SHANK2: variants seen among roughly 807,000 people sequenced by gnomAD.
SHANK2 encodes SH3 and multiple ankyrin repeat domains 2.
A neutral mutation model predicts 133.7 loss-of-function variants in SHANK2; 43 were observed. The ratio of observed to expected loss-of-function variants is 0.32; its 90% CI spans 0.25 to 0.41. The LOEUF is 0.41. Among genes scored for constraint, SHANK2 ranks in the 10% least tolerant of loss-of-function variants. The pLI, the probability that SHANK2 is intolerant of heterozygous loss-of-function variation, is 1.00. For synonymous variants in SHANK2, 1,017 were observed against 952.8 expected (o/e 1.07, Z -1.24); for missense variants, 1,994 against 2,235.8 (o/e 0.89, Z 2.18).
At chr11:71,096,927 T>C (rs1951625128) in intron 6 of SHANK2, among the ~76,000 whole-genome samples, 1 of 152,130 alleles carries the variant, frequency 6.6e-6, no homozygotes, top group Admixed American at 6.5e-5. Flanking sequence ...GACTTTTGAC[T>C]CAGAATTACA....
Position 70,592,473 on chromosome 11 carries a change from A to G in SHANK2, c.2061+67355T>C, listed in dbSNP as rs559888483. Among the ~76,000 whole-genome samples the G allele has an allele frequency of 3.4e-5, 5 of 148,958 alleles. No individual in the cohort carries two copies. In the South Asian group the frequency reaches 1.0e-3, roughly 31 times the overall value. On this transcript the variant is annotated intron_variant, in intron 17 of 25. Transcript: ENST00000601538. ...CAGCCAACACAGACTCAAGCAGCAC[A>G]CACCCAGCTCTGCATCCCAGCACAC...
At chr11:71,107,220 C>T (rs960503443) in intron 6 of SHANK2, among the ~76,000 whole-genome samples, 21 of 152,162 alleles carry the variant, frequency 1.4e-4, no homozygotes, top group African/African-American at 2.2e-4. Flanking sequence ...CCCTGGGTGA[C>T]GCAGGGAAGT....
chr11:71,070,000 G>A (rs1951122424), intron 9 of SHANK2, among the ~76,000 whole-genome samples: 2 of 152,162 alleles, frequency 1.3e-5, no homozygotes, highest in African/African-American at 4.8e-5. Flanking sequence ...GTAGACAAGG[G>A]GGAGTGAGTA....
chr11:70,860,223 C>T (rs546795876), intron 11 of SHANK2, among the ~76,000 whole-genome samples: 3 of 152,304 alleles, frequency 2.0e-5, no homozygotes, highest in East Asian at 3.9e-4. Context: ...ACCTTCTCTA[C>T]CCGCCCCAAA....
chr11:71,216,511 GT>G (rs1332514093), intron 2 of SHANK2, among the ~76,000 whole-genome samples: 1 of 152,104 alleles, frequency 6.6e-6, no homozygotes, highest in East Asian at 1.9e-4. Flanking sequence ...AATGGTACAG[GT>G]TTTGGGGGGG....
At chr11:71,145,295 G>T (rs1204633288) in intron 3 of SHANK2, among the ~76,000 whole-genome samples, 1 of 152,034 alleles carries the variant, frequency 6.6e-6, no homozygotes, top group Non-Finnish European at 1.5e-5. Flanking sequence ...GAGAGATAAT[G>T]AGCTAAAAAG....
chr11:71,248,692 C>T (rs1174552027), intron 1 of SHANK2, among the ~76,000 whole-genome samples: 1 of 152,210 alleles, frequency 6.6e-6, no homozygotes, highest in Non-Finnish European at 1.5e-5. Flanking sequence ...TAGCGGGTGG[C>T]TCTGTCCCCA....
In SHANK2 at chr11:71,118,852, C is replaced by T; in HGVS notation, c.388G>A (p.Gly130Ser). 2 of 1,551,096 alleles carry T rather than the reference C, an allele frequency of 1.3e-6. No homozygotes were observed. Among genetic ancestry groups the T allele is most frequent in the Non-Finnish European group, 1.7e-6 (2 of 1,146,600 alleles). ...ACCTCCAGGGAAGGAACGCCCTCACCCACGGGCTGTGGGTACTCGCGCAGG... is the reference window on the plus strand; with the variant it reads ...ACCTCCAGGGAAGGAACGCCCTCACTCACGGGCTGTGGGTACTCGCGCAGG... ...RLLREYPQPVGEGVPSLEFRY... is the reference protein window; with the variant it reads ...RLLREYPQPVSEGVPSLEFRY... Residue 130 changes from glycine to serine, a missense_variant, in exon 4 of 26, where the codon GGT (glycine) becomes AGT (serine). This residue lies in a region of SHANK2 where 653 missense variants were observed against 563.4 expected (regional missense o/e 1.16). Transcript: ENST00000601538.
intron 11 of SHANK2, among the ~76,000 whole-genome samples, chr11:70,890,375 T>A (rs1555074384): frequency 6.6e-6 from 1 of 151,406 alleles, no homozygotes; most frequent in African/African-American, 2.4e-5. Flanking sequence ...GCCCAGTAGC[T>A]CATGCCTGTA....
chr11:70,877,405 C>G (rs1949585831), intron 11 of SHANK2, among the ~76,000 whole-genome samples: 1 of 152,134 alleles, frequency 6.6e-6, no homozygotes, highest in African/African-American at 2.4e-5. Flanking sequence ...GCCTGACTTT[C>G]TGCTGTTCTA....
At chr11:70,931,839 C>G (rs945651470) in intron 10 of SHANK2, among the ~76,000 whole-genome samples, 8 of 152,172 alleles carry the variant, frequency 5.3e-5, no homozygotes, top group African/African-American at 1.9e-4. Context: ...CTCTCAACGA[C>G]GCTTATTATT....
At chr11:70,506,552 T>A (rs980452317) in intron 17 of SHANK2, among the ~76,000 whole-genome samples, 69 of 152,334 alleles carry the variant, frequency 4.5e-4, no homozygotes, top group African/African-American at 1.5e-3. Context: ...AATCAGTTGT[T>A]GGGCATCTGA....
intron 10 of SHANK2, chr11:70,907,893 A>C (rs782162831): frequency 3.5e-4 from 161 of 454,090 alleles, no homozygotes; most frequent in Non-Finnish European, 1.0e-4. Flanking sequence ...CTTAAGGTCA[A>C]GAGTTCGAGA....
intron 9 of SHANK2, among the ~76,000 whole-genome samples, chr11:71,064,257 G>T (rs1259977168): frequency 2.6e-5 from 4 of 152,364 alleles, no homozygotes; most frequent in African/African-American, 9.6e-5. Context: ...CACAACGTCA[G>T]GACGGGTGGG....
chr11:71,236,943 C>T (rs891420484), intron 1 of SHANK2, among the ~76,000 whole-genome samples: 15 of 152,156 alleles, frequency 9.9e-5, no homozygotes, highest in Non-Finnish European at 2.1e-4. Context: ...AGGCAGCGGC[C>T]GGGAGGGACT....
chr11:70,812,648 G>C (rs1948303356), intron 12 of SHANK2, among the ~76,000 whole-genome samples: 1 of 152,218 alleles, frequency 6.6e-6, no homozygotes, highest in South Asian at 2.1e-4. Context: ...TCCCACAGCA[G>C]CCATAGTCAG....
chr11:71,064,353 C>T (rs974994842), intron 9 of SHANK2, among the ~76,000 whole-genome samples: 35 of 152,146 alleles, frequency 2.3e-4, no homozygotes, highest in African/African-American at 7.2e-4. Flanking sequence ...GACAGCTGGG[C>T]GGAGGCAGAG....
At chr11:70,568,014 T>C (rs2059988927) in intron 17 of SHANK2, among the ~76,000 whole-genome samples, 1 of 152,098 alleles carries the variant, frequency 6.6e-6, no homozygotes, top group Non-Finnish European at 1.5e-5. Context: ...GGATGTGAAA[T>C]GGGTCTGGGC....
chr11:70,910,158 G>T (rs1222423794), intron 10 of SHANK2, among the ~76,000 whole-genome samples: 2 of 152,114 alleles, frequency 1.3e-5, no homozygotes, highest in Admixed American at 6.5e-5. Context: ...CTCTTCAAAG[G>T]TCCCATCTCC....
Sources: gnomAD v4.1 joint callset for allele counts (sites outside exome capture counted in the v4.1 genomes callset) on GRCh38, gnomAD v4.1.1 for gene constraint, gnomAD v4.1.1 regional missense constraint, MANE v1.5 for transcripts, NCBI Gene and HGNC (gene_info 2026-07-23, HGNC 2026-07-21) for gene names.